The following MAPKAP1 variants were observed in gnomAD, a reference collection of about 807,000 sequenced individuals.
MAPKAP1 encodes the protein target of rapamycin complex 2 subunit MAPKAP1.
Under a neutral mutation model 65.7 loss-of-function variants are expected in MAPKAP1, and 20 were observed. The ratio of observed to expected loss-of-function variants is 0.30; its 90% CI spans 0.21 to 0.44. The LOEUF (loss-of-function observed/expected upper bound fraction) is 0.44. Among genes scored for constraint, MAPKAP1 ranks in the 20% least tolerant of loss-of-function variants. MAPKAP1 has a pLI of 1.00. For synonymous variants in MAPKAP1, 222 were observed against 244.3 expected (o/e 0.91, Z 0.85); for missense variants, 423 against 648.0 (o/e 0.65, Z 3.77).
intron 4 of MAPKAP1, among the ~76,000 whole-genome samples, chr9:125,611,171 C>T (rs2131630018): frequency 6.6e-6 from 1 of 152,256 alleles, no homozygotes; most frequent in African/African-American, 2.4e-5. Flanking sequence ...AGGTGCTACA[C>T]ATAAGGGTGC....
chr9:125,614,719 G>A (rs1292179966), intron 4 of MAPKAP1, among the ~76,000 whole-genome samples: 1 of 152,166 alleles, frequency 6.6e-6, no homozygotes, highest in East Asian at 1.9e-4. Context: ...ATTCAGTACA[G>A]TTGAATGTAC....
intron 1 of MAPKAP1, among the ~76,000 whole-genome samples, chr9:125,691,199 T>G (rs1051856413): frequency 4.6e-5 from 7 of 152,074 alleles, no homozygotes; most frequent in Non-Finnish European, 8.8e-5. Context: ...AGGCAGAGCT[T>G]CCAGTGAGCC....
chr9:125,563,702 GTATTATTAT>G (rs113809428), intron 5 of MAPKAP1, among the ~76,000 whole-genome samples: 5 of 112,308 alleles, frequency 4.5e-5, no homozygotes, highest in African/African-American at 1.1e-4. Flanking sequence ...AAAGCAAAGG[GTATTATTAT>G]TATTATTATT....
intron 4 of MAPKAP1, among the ~76,000 whole-genome samples, chr9:125,641,636 C>A (rs967490371): frequency 6.6e-6 from 1 of 152,110 alleles, no homozygotes; most frequent in African/African-American, 2.4e-5. Flanking sequence ...GCAGGTGCAG[C>A]AGCTCACACC....
intron 7 of MAPKAP1, among the ~76,000 whole-genome samples, chr9:125,528,055 C>T (rs998884779): frequency 3.9e-5 from 6 of 152,200 alleles, no homozygotes. Flanking sequence ...GTGCTAACCA[C>T]CAACCCTGGG....
chr9:125,681,336 A>G (rs1384823075), intron 1 of MAPKAP1, among the ~76,000 whole-genome samples: 1 of 152,198 alleles, frequency 6.6e-6, no homozygotes, highest in Non-Finnish European at 1.5e-5. Context: ...CTTCTGAATT[A>G]TGGGAAAAAG....
At chr9:125,501,086 G>A (rs895114633) in intron 8 of MAPKAP1, among the ~76,000 whole-genome samples, 8 of 152,066 alleles carry the variant, frequency 5.3e-5, no homozygotes, top group African/African-American at 1.2e-4. Context: ...CTCACTATAC[G>A]ATCTTTATCT....
chr9:125,641,821 C>G (rs1412328439), intron 4 of MAPKAP1, among the ~76,000 whole-genome samples: 4 of 151,678 alleles, frequency 2.6e-5, no homozygotes, highest in African/African-American at 9.7e-5. Flanking sequence ...CACTTGAGGT[C>G]AGGAGATCAA....
intron 4 of MAPKAP1, among the ~76,000 whole-genome samples, chr9:125,625,250 A>ATAAG (rs1833073413): frequency 2.1e-5 from 1 of 47,802 alleles, no homozygotes; most frequent in African/African-American, 4.9e-5. Context: ...AAAAAAATAA[A>ATAAG]TAAATAAAAA....
At chr9:125,507,918 A>T (rs542983079) in intron 7 of MAPKAP1, among the ~76,000 whole-genome samples, 215 of 152,266 alleles carry the variant, frequency 1.4e-3, no homozygotes, top group African/African-American at 5.0e-3. Context: ...CCCCTTAGCG[A>T]TTCTCCCAAA....
intron 3 of MAPKAP1, among the ~76,000 whole-genome samples, chr9:125,658,103 G>A (rs538709849): frequency 1.1e-4 from 17 of 152,034 alleles, no homozygotes; most frequent in African/African-American, 4.1e-4. Flanking sequence ...GCTTTGGCCC[G>A]GCTTTGCTAC....
At chr9:125,545,345 C>T (rs1200339771) in intron 6 of MAPKAP1, among the ~76,000 whole-genome samples, 2 of 152,194 alleles carry the variant, frequency 1.3e-5, no homozygotes, top group Non-Finnish European at 2.9e-5. Flanking sequence ...TTTGCTCTGG[C>T]GCTAGGCCAG....
At chr9:125,682,940 G>A (rs114158332) in intron 1 of MAPKAP1, among the ~76,000 whole-genome samples, 3,148 of 151,040 alleles carry the variant, frequency 0.021, 41 homozygotes, top group South Asian at 0.041. Flanking sequence ...GGTGGACCCA[G>A]TAGATAGAAT....
chr9:125,474,377 T>G (rs1449284477), intron 9 of MAPKAP1, among the ~76,000 whole-genome samples: 1 of 152,200 alleles, frequency 6.6e-6, no homozygotes, highest in African/African-American at 2.4e-5. Flanking sequence ...TGGAAACTTT[T>G]GTGCTAGGGA....
chr9:125,689,101 A>G (rs542141337), intron 1 of MAPKAP1, among the ~76,000 whole-genome samples: 2 of 152,274 alleles, frequency 1.3e-5, no homozygotes, highest in South Asian at 4.1e-4. Flanking sequence ...AGAGGCTTAC[A>G]GTCAAGCAAG....
intron 4 of MAPKAP1, among the ~76,000 whole-genome samples, chr9:125,642,347 T>C (rs1833603220): frequency 6.6e-6 from 1 of 152,148 alleles, no homozygotes; most frequent in South Asian, 2.1e-4. Context: ...AGGAATAATA[T>C]AGGGTGGACA....
intron 7 of MAPKAP1, among the ~76,000 whole-genome samples, chr9:125,535,728 T>TACACGTAATG (rs1410533422): frequency 6.6e-6 from 1 of 152,204 alleles, no homozygotes; most frequent in Non-Finnish European, 1.5e-5. Flanking sequence ...CAGGATGCAG[T>TACACGTAATG]TTACAATCAA....
At chr9:125,508,603 C>T (rs982097276) in intron 7 of MAPKAP1, among the ~76,000 whole-genome samples, 16 of 152,140 alleles carry the variant, frequency 1.1e-4, no homozygotes, top group African/African-American at 3.4e-4. Flanking sequence ...GTTATCCCAG[C>T]GCTTTGGGGG....
At chr9:125,469,171 T>TG (rs751250360) in intron 9 of MAPKAP1, among the ~76,000 whole-genome samples, 3 of 151,716 alleles carry the variant, frequency 2.0e-5, no homozygotes, top group African/African-American at 4.8e-5. Flanking sequence ...AGGGTCAAAG[T>TG]GAAAAAAAGC....
Sources: gnomAD v4.1 joint callset for allele counts (sites outside exome capture counted in the v4.1 genomes callset) on GRCh38, gnomAD v4.1.1 for gene constraint, MANE v1.5 for transcripts, NCBI Gene and HGNC (gene_info 2026-07-23, HGNC 2026-07-21) for gene names.